HTT-AS: variants seen among roughly 807,000 people sequenced by gnomAD.
HTT-AS encodes HTT antisense RNA.
At chr4:3,060,454 C>A (rs1711903765) in intron 2 of HTT-AS, among the ~76,000 whole-genome samples, 1 of 152,104 alleles carries the variant, frequency 6.6e-6, no homozygotes, top group Admixed American at 6.5e-5. Context: ...TGAGAAAGGT[C>A]TCATTTAATT....
At chr4:3,069,516 C>T (rs1712123077) in intron 1 of HTT-AS, among the ~76,000 whole-genome samples, 2 of 152,162 alleles carry the variant, frequency 1.3e-5, no homozygotes, top group East Asian at 1.9e-4. Flanking sequence ...AACCAAAAAC[C>T]AGGTAACAGA....
At chr4:3,046,406 A>G (rs1453099331), downstream of HTT-AS, among the ~76,000 whole-genome samples, 1 of 152,218 alleles carries the variant, frequency 6.6e-6, no homozygotes. Context: ...AGACTCAGGT[A>G]CTGCCACAGG....
intron 2 of HTT-AS, among the ~76,000 whole-genome samples, chr4:3,058,259 G>A (rs1417706373): frequency 2.0e-5 from 3 of 152,056 alleles, no homozygotes; most frequent in Non-Finnish European, 4.4e-5. Context: ...CCGGGAAGCC[G>A]AGGTTGTGGT....
intron 1 of HTT-AS, among the ~76,000 whole-genome samples, chr4:3,068,345 C>CTTCAATCT (rs781438602): frequency 1.4e-4 from 21 of 145,660 alleles, no homozygotes; most frequent in Non-Finnish European, 3.1e-4. Flanking sequence ...GGTGACGAAG[C>CTTCAATCT]TTCAATCTCC....
At chr4:3,054,754 A>T (rs1711775902) in intron 2 of HTT-AS, among the ~76,000 whole-genome samples, 1 of 150,580 alleles carries the variant, frequency 6.6e-6, no homozygotes, top group Non-Finnish European at 1.5e-5. Context: ...TCGCTCTGTC[A>T]CCCAGGCTGG....
At chr4:3,063,853 T>C (rs1339569753) in intron 1 of HTT-AS, among the ~76,000 whole-genome samples, 4 of 152,016 alleles carry the variant, frequency 2.6e-5, no homozygotes, top group Non-Finnish European at 5.9e-5. Context: ...GATGATTTTA[T>C]GGAGGGGATG....
At chr4:3,048,829 G>A (rs919785002), downstream of HTT-AS, among the ~76,000 whole-genome samples, 1 of 152,176 alleles carries the variant, frequency 6.6e-6, no homozygotes. Context: ...CCATGGAAAA[G>A]TGATGCCCTT....
chr4:3,053,434 G>A (rs749566607), intron 2 of HTT-AS, among the ~76,000 whole-genome samples: 1 of 152,182 alleles, frequency 6.6e-6, no homozygotes, highest in Non-Finnish European at 1.5e-5. Flanking sequence ...TCAGGAGGCT[G>A]AGGCAGGAGA....
At chr4:3,053,976 T>A (rs1306888389) in intron 2 of HTT-AS, among the ~76,000 whole-genome samples, 2 of 151,986 alleles carry the variant, frequency 1.3e-5, no homozygotes, top group Admixed American at 6.6e-5. Flanking sequence ...GCCAGGCTGG[T>A]CTTGAACTCC....
intron 2 of HTT-AS, among the ~76,000 whole-genome samples, chr4:3,059,898 T>G (rs967295304): frequency 6.6e-6 from 1 of 150,378 alleles, no homozygotes; most frequent in South Asian, 2.1e-4. Context: ...TAATGTTGCT[T>G]TAACATCTTT....
chr4:3,068,527 A>C (rs1712100084), intron 1 of HTT-AS, among the ~76,000 whole-genome samples: 1 of 152,166 alleles, frequency 6.6e-6, no homozygotes, highest in African/African-American at 2.4e-5. Context: ...CCCCAGAGGA[A>C]GATCAGAGAT....
chr4:3,058,975 C>T (rs983554280), intron 2 of HTT-AS, among the ~76,000 whole-genome samples: 1 of 152,192 alleles, frequency 6.6e-6, no homozygotes. Flanking sequence ...CCGCGTTGGC[C>T]TCCCAAAGTG....
At position 3,064,384 on chromosome 4, in the gene HTT-AS, G is replaced by A. The variant is rs185793934; in HGVS notation, n.114-684C>T. 3.0e-4 allele frequency among the ~76,000 whole-genome samples: 45 copies of A among 152,172 alleles called. 1 individual carries two copies. The highest frequency in any genetic ancestry group is 1.1e-3 in the Admixed American group (17 of 15,276). On this transcript the variant is annotated intron_variant and non_coding_transcript_variant, in intron 1 of 2. Coordinates refer to ENST00000664062, the Ensembl canonical transcript of HTT-AS. ...GCTGGGATTACAGGCATGAGCCACC[G>A]TGCCTGGCCAAAAGACATTGTTCTT...
At chr4:3,047,180 G>A (rs557070169), downstream of HTT-AS, among the ~76,000 whole-genome samples, 7 of 152,098 alleles carry the variant, frequency 4.6e-5, no homozygotes, top group East Asian at 1.9e-4. Flanking sequence ...GCGTGGTGGC[G>A]TGCACCTGTA....
chr4:3,066,419 C>T (rs191492888), intron 1 of HTT-AS, among the ~76,000 whole-genome samples: 195 of 152,254 alleles, frequency 1.3e-3, no homozygotes, highest in Non-Finnish European at 2.0e-3. Flanking sequence ...CTGTCCACCT[C>T]GGCCTCCCAA....
chr4:3,055,393 A>C (rs1178132589), intron 2 of HTT-AS, among the ~76,000 whole-genome samples: 1 of 152,126 alleles, frequency 6.6e-6, no homozygotes, highest in African/African-American at 2.4e-5. Context: ...AGGGCCTCTA[A>C]CCCAATCCCA....
At chr4:3,050,069 T>C (rs1711675784) in intron 2 of HTT-AS, among the ~76,000 whole-genome samples, 1 of 152,064 alleles carries the variant, frequency 6.6e-6, no homozygotes, top group East Asian at 1.9e-4. Context: ...TGGATTACTT[T>C]ATCTTTTCCA....
At chr4:3,068,941 C>A (rs542825436) in intron 1 of HTT-AS, among the ~76,000 whole-genome samples, 1 of 152,208 alleles carries the variant, frequency 6.6e-6, no homozygotes, top group South Asian at 2.1e-4. Context: ...AGGCGCGAGC[C>A]ACTGCATCTG....
intron 2 of HTT-AS, among the ~76,000 whole-genome samples, chr4:3,053,094 C>A (rs1711739353): frequency 1.3e-5 from 2 of 152,164 alleles, no homozygotes; most frequent in Admixed American, 1.3e-4. Flanking sequence ...CTTTCCTGGT[C>A]CTGTTCTTCC....
Sources: allele counts gnomAD v4.1 joint callset (sites outside exome capture counted in the v4.1 genomes callset), GRCh38; gene constraint gnomAD v4.1.1; transcripts MANE v1.5; gene names NCBI Gene and HGNC (gene_info 2026-07-23, HGNC 2026-07-21).